Variants in PANK3 observed in about 807,000 individuals in gnomAD.
PANK3 encodes hPanK3.
A neutral mutation model predicts 39.4 loss-of-function variants in PANK3; 20 were observed. That is an observed-to-expected ratio of 0.51 (90% CI 0.36 to 0.74). The LOEUF is 0.74. Ranked by LOEUF, PANK3 falls within the 30% of genes least tolerant of loss-of-function variation. PANK3 has a pLI of 0.00. For synonymous variants in PANK3, 140 were observed against 157.3 expected (o/e 0.89, Z 0.82); for missense variants, 265 against 437.0 (o/e 0.61, Z 3.51).
At chr5:168,568,430 C>A (rs1236786320) in intron 2 of PANK3, among the ~76,000 whole-genome samples, 2 of 152,178 alleles carry the variant, frequency 1.3e-5, no homozygotes, top group Non-Finnish European at 1.5e-5. Context: ...CAGCCCTAAA[C>A]AAGTTTTACC....
In PANK3 at chr5:168,550,825, C is replaced by T. The variant is rs1015734303; in HGVS notation, c.*6746G>A. On this transcript the variant is annotated 3_prime_UTR_variant, in exon 7 of 7. Transcript: ENST00000239231. ...TGACTCATTTCCCATCATAACAAACCAACTCCCTCATTTTACAAATAAAAA... is the reference window on the plus strand; with the variant it reads ...TGACTCATTTCCCATCATAACAAACTAACTCCCTCATTTTACAAATAAAAA... 1 of 152,042 alleles carries T rather than the reference C, an allele frequency of 6.6e-6. No homozygotes were observed. The highest frequency in any genetic ancestry group is 2.4e-5 in the African/African-American group (1 of 41,402). The allele number at this position is 152,042 out of a possible 1,614,324, so 9.4% of individuals were successfully genotyped here. A position where few individuals can be genotyped will look rare whatever the true frequency, so the allele number is the denominator to read the frequency against.
At chr5:168,564,161 C>A in intron 3 of PANK3, 96 bp from the exon 4 acceptor site, 3 of 1,094,212 alleles carry the variant, frequency 2.7e-6, no homozygotes, top group Non-Finnish European at 3.7e-6. Flanking sequence ...AATGAACACA[C>A]AGAAAAAAAA....
In PANK3 at chr5:168,565,868, A is replaced by AAAAAATATATATATATATATATATAT; in HGVS notation, c.635+144_635+145insATATATATATATATATATATATTTTT. 9.1e-5 allele frequency: 12 copies of AAAAAATATATATATATATATATATAT among 131,372 alleles called. No individual in the cohort carries two copies. The East Asian group carries it at 1.5e-3, about 17-fold the overall frequency. The allele number at this position is 131,372 out of a possible 1,614,324, so 8.1% of individuals were successfully genotyped here. A position where few individuals can be genotyped will look rare whatever the true frequency, so the allele number is the denominator to read the frequency against. ...CACCCTCTTTCACTTAAAAAAAAAA[A>AAAAAATATATATATATATATATATAT]ATATATATATATATATATTTTTTTT... On this transcript the variant is annotated intron_variant, in intron 3 of 6. Transcript: ENST00000239231.
chr5:168,577,025 C>T (rs552181159), intron 1 of PANK3, among the ~76,000 whole-genome samples: 225 of 152,048 alleles, frequency 1.5e-3, no homozygotes, highest in Non-Finnish European at 5.0e-4. Context: ...GGACTACAGG[C>T]GCGTGCCACC....
intron 6 of PANK3, among the ~76,000 whole-genome samples, chr5:168,558,793 A>G (rs1056223055): frequency 6.6e-6 from 1 of 152,206 alleles, no homozygotes; most frequent in African/African-American, 2.4e-5. Context: ...CCTGGGCAAC[A>G]AAGAGTGATC....
At chr5:168,578,950 A>G (rs1241872312) in intron 1 of PANK3, among the ~76,000 whole-genome samples, 1 of 152,152 alleles carries the variant, frequency 6.6e-6, no homozygotes, top group African/African-American at 2.4e-5. Context: ...ATTCAGGGGG[A>G]GCTGGGAGAG....
rs1759578710 is a variant in PANK3 at position 168,569,007 on chromosome 5, GGA to G, written c.29-11_29-10del. ...GCCAAACCATGGGAAAGCTATGGGA[GGA>G]AAAAAAAAAAAAAAAAAAAAAATAT... On this transcript the variant is annotated splice_polypyrimidine_tract_variant and intron_variant, in intron 1 of 6. Coordinates refer to ENST00000239231, the MANE Select transcript of PANK3 (RefSeq NM_024594.4). The G allele has an allele frequency of 7.8e-5, 14 of 179,488 alleles. No homozygotes were observed. Among genetic ancestry groups the G allele is most frequent in the African/African-American group, 9.2e-5 (1 of 10,890 alleles). The allele number at this position is 179,488 out of a possible 1,614,324, so 11.1% of individuals were successfully genotyped here. A position where few individuals can be genotyped will look rare whatever the true frequency, so the allele number is the denominator to read the frequency against.
At position 168,565,868 on chromosome 5, in the gene PANK3, A is replaced by AAAAAATATATATATAT; in HGVS notation, c.635+144_635+145insATATATATATATTTTT. 534 of 131,850 alleles carry AAAAAATATATATATAT rather than the reference A, an allele frequency of 4.1e-3. 13 individuals are homozygous for AAAAAATATATATATAT. The East Asian group carries it at 0.052, about 13-fold the overall frequency. The allele number at this position is 131,850 out of a possible 1,614,324, so 8.2% of individuals were successfully genotyped here. Reference sequence around the variant, plus strand: ...CACCCTCTTTCACTTAAAAAAAAAAAATATATATATATATATATTTTTTTT... The same window carrying AAAAAATATATATATAT: ...CACCCTCTTTCACTTAAAAAAAAAAAAAAAATATATATATATATATATATATATATATATTTTTTTT... On this transcript the variant is annotated intron_variant, in intron 3 of 6. Transcript: ENST00000239231.
In PANK3 at chr5:168,556,584, G is replaced by A. The variant is rs1414311206; in HGVS notation, c.*987C>T. ...TGGAGTGGGTTTTGTTGGAAAAAGT[G>A]ACCGTCCTCTAACTGCACCTCTATT... On this transcript the variant is annotated 3_prime_UTR_variant, in exon 7 of 7. Coordinates refer to ENST00000239231, the MANE Select transcript of PANK3 (RefSeq NM_024594.4). 6.6e-6 allele frequency: 1 copy of A among 152,592 alleles called. No homozygotes were observed. The highest frequency in any genetic ancestry group is 1.9e-4 in the East Asian group (1 of 5,196). The allele number at this position is 152,592 out of a possible 1,614,324, so 9.5% of individuals were successfully genotyped here. A position where few individuals can be genotyped will look rare whatever the true frequency, so the allele number is the denominator to read the frequency against.
chr5:168,574,994 T>A (rs1582469142), intron 1 of PANK3, among the ~76,000 whole-genome samples: 1 of 152,076 alleles, frequency 6.6e-6, no homozygotes, highest in Admixed American at 6.6e-5. Flanking sequence ...TTACGGCATA[T>A]AACCTTAACA....
In PANK3 at chr5:168,561,530, A is replaced by G. The variant is rs1278840319; in HGVS notation, c.813-14T>C. On this transcript the variant is annotated splice_polypyrimidine_tract_variant and intron_variant, in intron 4 of 6. Coordinates refer to ENST00000239231, the MANE Select transcript of PANK3 (RefSeq NM_024594.4). Reference sequence around the variant, plus strand: ...ATATTCCCAAAACTGCAGAAAAATGAAAAATAAAGTCAAATCTGCTGATAA... The same window carrying G: ...ATATTCCCAAAACTGCAGAAAAATGGAAAATAAAGTCAAATCTGCTGATAA... 1 of 1,555,434 alleles carries G rather than the reference A, an allele frequency of 6.4e-7. No homozygotes were observed. Among genetic ancestry groups the G allele is most frequent in the South Asian group, 1.2e-5 (1 of 82,264 alleles).
At chr5:168,558,721 A>C (rs1759393678) in intron 6 of PANK3, among the ~76,000 whole-genome samples, 1 of 152,220 alleles carries the variant, frequency 6.6e-6, no homozygotes, top group African/African-American at 2.4e-5. Flanking sequence ...TCTACTACTT[A>C]AGGCTGGGCA....
chr5:168,572,747 G>A (rs1759662302), intron 1 of PANK3, among the ~76,000 whole-genome samples: 1 of 152,166 alleles, frequency 6.6e-6, no homozygotes, highest in Non-Finnish European at 1.5e-5. Flanking sequence ...GAGGCCTGAT[G>A]TTCCTGTCTT....
intron 1 of PANK3, among the ~76,000 whole-genome samples, chr5:168,577,743 C>G (rs1759751014): frequency 6.6e-6 from 1 of 152,132 alleles, no homozygotes; most frequent in Non-Finnish European, 1.5e-5. Context: ...TCTAAGTAAT[C>G]AAATCACTAT....
Position 168,559,154 on chromosome 5 carries a change from T to C in PANK3, c.940A>G (p.Ile314Val). The C allele has an allele frequency of 6.6e-7, 1 of 1,523,680 alleles. No individual in the cohort carries two copies. Among genetic ancestry groups the C allele is most frequent in the Non-Finnish European group, 8.9e-7 (1 of 1,122,346 alleles). 94.4% of individuals were successfully genotyped at this position (1,523,680 alleles called of 1,614,324 possible). A position where few individuals can be genotyped will look rare whatever the true frequency, so the allele number is the denominator to read the frequency against. ...TTTCCAACAAAGACAACTCTGTTTA[T>C]TTTCTAAAAGAAAAGAACAAAGAAA... is the stretch of plus-strand genomic sequence containing the variant. ...VARMCAVNEK[I>V]NRVVFVGNFL... The change falls in exon 6 of 7, where the codon ATA becomes GTA. Residue 314 changes from isoleucine (I) to valine (V), a missense_variant. Physicochemically the swap from Ile to Val is conservative, Grantham distance 29 (BLOSUM62 3). Around this residue, in one of 3 missense-constraint regions of PANK3, gnomAD observed 110 missense variants for 161.2 expected, o/e 0.68. Transcript: ENST00000239231.
chr5:168,559,523 G>A (rs2113107324), intron 5 of PANK3, among the ~76,000 whole-genome samples: 1 of 152,202 alleles, frequency 6.6e-6, no homozygotes, highest in East Asian at 1.9e-4. Flanking sequence ...GGAACTCACT[G>A]AGCTTTCCAC....
In PANK3 at chr5:168,565,886, T is replaced by TATATA. The variant is rs56668677; in HGVS notation, c.635+126_635+127insTATAT. 931 of 167,774 alleles carry TATATA rather than the reference T, an allele frequency of 5.5e-3. 12 individuals carry two copies. The highest frequency in any genetic ancestry group is 7.0e-3 in the Non-Finnish European group (655 of 93,946). The allele number at this position is 167,774 out of a possible 1,614,324, so 10.4% of individuals were successfully genotyped here. On this transcript the variant is annotated intron_variant, in intron 3 of 6. Transcript: ENST00000239231. ...AAAAAAAAATATATATATATATATA[T>TATATA]TTTTTTTTTTTGCTGTTGTGCAAAT...
Position 168,568,696 on chromosome 5 carries a change from G to A in PANK3, c.331C>T (p.Leu111=). 6.2e-7 allele frequency: 1 copy of A among 1,614,058 alleles called. No individual in the cohort carries two copies. Among genetic ancestry groups the A allele is most frequent in the Non-Finnish European group, 8.5e-7 (1 of 1,180,000 alleles). Residue 111 remains leucine (L), a synonymous_variant, in exon 2 of 7, where the codon CTA becomes TTA. Transcript: ENST00000239231. ...TAAGCACCACCTCCTGTAGCACATA[G>A]CACCGTCTGCAATGTTGAGAAGTTT... The part of the protein sequence containing the change: ...DKNFSTLQTV[L]CATGGGAYKF...
In PANK3 at chr5:168,549,682, T is replaced by C. The variant is rs1017746289; in HGVS notation, c.*7889A>G. 6 of 152,182 alleles carry C rather than the reference T, an allele frequency of 3.9e-5. No homozygotes were observed. The highest frequency in any genetic ancestry group is 1.5e-5 in the Non-Finnish European group (1 of 68,032). The allele number at this position is 152,182 out of a possible 1,614,324, so 9.4% of individuals were successfully genotyped here. On this transcript the variant is annotated 3_prime_UTR_variant, in exon 7 of 7. Coordinates refer to ENST00000239231, the MANE Select transcript of PANK3 (RefSeq NM_024594.4). ...AAATTCTATAAGAAAAAAACTGATT[T>C]ACCCCAAACATATCATTCAGCACAA...
Sources: gnomAD v4.1 joint callset for allele counts (sites outside exome capture counted in the v4.1 genomes callset) on GRCh38, gnomAD v4.1.1 for gene constraint, gnomAD v4.1.1 regional missense constraint, MANE v1.5 for transcripts, NCBI Gene and HGNC (gene_info 2026-07-23, HGNC 2026-07-21) for gene names.